REPS1: variants seen among roughly 807,000 people sequenced by gnomAD.
REPS1 encodes the protein RALBP1 associated Eps domain containing 1, also known as ralBP1-associated Eps domain-containing protein 1.
Under a neutral mutation model 100.9 loss-of-function variants are expected in REPS1, and 39 were observed. The observed-to-expected ratio is 0.39, with a 90% CI of 0.30 to 0.50. The LOEUF (loss-of-function observed/expected upper bound fraction) is 0.50, where lower values mean the gene tolerates loss of function less well. REPS1 is among the 20% of genes least tolerant of loss of function. The probability of loss-of-function intolerance (pLI) is 0.86; values close to 1 mark genes in which losing one functional copy is unlikely to be tolerated. For missense variants in REPS1, 821 were observed against 968.5 expected, an observed-to-expected ratio of 0.85 and a Z score of 2.02; for synonymous variants, 324 against 340.3, an observed-to-expected ratio of 0.95 and a Z score of 0.53.
chr6:138,920,244 G>A lies in REPS1; in HGVS notation c.1499C>T (p.Ser500Leu), dbSNP rs201518102. 2.3e-5 allele frequency: 36 copies of A among 1,595,404 alleles called. No homozygotes were observed. Among genetic ancestry groups the A allele is most frequent in the South Asian group, 6.6e-5 (6 of 90,670 alleles). ...DLLEENKINSSVKFASGNTVA... is the reference protein window; with the variant it reads ...DLLEENKINSLVKFASGNTVA... Reference sequence around the variant, plus strand: ...AGTATTACCAGAAGCGAATTTCACCGATGAATTTATCTTATTTTCTTCTAA... The same window carrying A: ...AGTATTACCAGAAGCGAATTTCACCAATGAATTTATCTTATTTTCTTCTAA... Residue 500 changes from serine (S) to leucine (L), a missense_variant, in exon 12 of 20, where the codon TCG (serine) becomes TTG (leucine). Transcript: ENST00000450536.
intron 13 of REPS1, chr6:138,916,210 CTTTT>C (rs1229366582): frequency 1.2e-4 from 26 of 223,766 alleles, no homozygotes; most frequent in Admixed American, 1.4e-4. Context: ...AGCAAAATTT[CTTTT>C]TTTCTTTTTT....
intron 1 of REPS1, among the ~76,000 whole-genome samples, chr6:138,966,185 A>G (rs983109152): frequency 6.6e-6 from 1 of 152,136 alleles, no homozygotes; most frequent in Non-Finnish European, 1.5e-5. Flanking sequence ...TCCTAAGTGC[A>G]CAGAATACAG....
chr6:138,932,290 C>T (rs1452107202), intron 8 of REPS1, among the ~76,000 whole-genome samples: 1 of 107,456 alleles, frequency 9.3e-6, no homozygotes, highest in Non-Finnish European at 2.2e-5. Context: ...AGACCTCAAA[C>T]TGTGGACCAC....
chr6:138,948,855 T>A (rs1165463162), intron 1 of REPS1, among the ~76,000 whole-genome samples: 1 of 152,198 alleles, frequency 6.6e-6, no homozygotes, highest in East Asian at 1.9e-4. Context: ...AAGGACCTAT[T>A]AATGATTAAG....
At position 138,945,643 on chromosome 6, in the gene REPS1, C is replaced by A. The variant is rs769964858; in HGVS notation, c.332G>T (p.Arg111Leu). The A allele has an allele frequency of 1.2e-6, 2 of 1,612,562 alleles. No homozygotes were observed. Among genetic ancestry groups the A allele is most frequent in the Non-Finnish European group, 1.7e-6 (2 of 1,179,412 alleles). Residue 111 changes from arginine (R) to leucine (L), a missense_variant, in exon 3 of 20, where the codon CGC (arginine) becomes CTC (leucine). Transcript: ENST00000450536. The stretch of plus-strand genomic sequence containing the variant: ...ATCTGAAGAATATGAGGCTGCATGG[C>A]GAGATTCCTGTTCATTCTTTGAAGC... ...FVASKNEQES[R>L]HAASYSSDSE... is the part of the protein sequence containing the mutation.
intron 8 of REPS1, 32 bp downstream of exon 8, chr6:138,941,303 T>A: frequency 1.9e-6 from 3 of 1,609,292 alleles, no homozygotes; most frequent in Non-Finnish European, 2.5e-6. Flanking sequence ...TATCAAGGCA[T>A]GCAAACAGCT....
chr6:138,954,332 C>T (rs574666582), intron 1 of REPS1, among the ~76,000 whole-genome samples: 1 of 151,918 alleles, frequency 6.6e-6, no homozygotes, highest in South Asian at 2.1e-4. Context: ...GCTCCTAACA[C>T]AAAGAAATGA....
chr6:138,952,693 C>T (rs936160474), intron 1 of REPS1, among the ~76,000 whole-genome samples: 1 of 152,060 alleles, frequency 6.6e-6, no homozygotes, highest in Non-Finnish European at 1.5e-5. Context: ...AGCCACCACA[C>T]CCAGCCTACA....
chr6:138,930,876 T>TTA (rs1781444030), intron 8 of REPS1, among the ~76,000 whole-genome samples: 1 of 152,224 alleles, frequency 6.6e-6, no homozygotes, highest in Non-Finnish European at 1.5e-5. Flanking sequence ...TACAAATCCA[T>TTA]TATACTATTT....
chr6:138,903,972 T>C lies in REPS1; in HGVS notation c.*1092A>G, dbSNP rs1779494006. Reference sequence around the variant, plus strand: ...TCAGAAATGAAAATACAAAATCTTCTATTTCTTAAAACTTTAAATCTTGTT... The same window carrying C: ...TCAGAAATGAAAATACAAAATCTTCCATTTCTTAAAACTTTAAATCTTGTT... On this transcript the variant is annotated 3_prime_UTR_variant, in exon 20 of 20. Coordinates refer to ENST00000450536, the MANE Select transcript of REPS1 (RefSeq NM_001286611.2). 6.6e-6 allele frequency: 1 copy of C among 152,226 alleles called. No individual in the cohort carries two copies. The highest frequency in any genetic ancestry group is 2.1e-4 in the South Asian group (1 of 4,834). The allele number at this position is 152,226 out of a possible 1,614,324, so 9.4% of individuals were successfully genotyped here. A position where few individuals can be genotyped will look rare whatever the true frequency, so the allele number is the denominator to read the frequency against.
At chr6:138,970,609 CTA>C (rs1784291128) in intron 1 of REPS1, among the ~76,000 whole-genome samples, 1 of 152,098 alleles carries the variant, frequency 6.6e-6, no homozygotes, top group African/African-American at 2.4e-5. Context: ...TGGCGAAACC[CTA>C]TCTCTAATAA....
chr6:138,936,741 A>T (rs1235315491), intron 8 of REPS1, among the ~76,000 whole-genome samples: 5 of 152,150 alleles, frequency 3.3e-5, no homozygotes, highest in Non-Finnish European at 7.3e-5. Context: ...AATTTTCAAA[A>T]ACAAAGATTC....
intron 19 of REPS1, among the ~76,000 whole-genome samples, chr6:138,905,759 A>G (rs1779606241): frequency 6.6e-6 from 1 of 152,220 alleles, no homozygotes; most frequent in Non-Finnish European, 1.5e-5. Context: ...CCCCTGGTAG[A>G]TGAATTTGTT....
At position 138,945,531 on chromosome 6, in the gene REPS1, C is replaced by T. The variant is rs116376647; in HGVS notation, c.444G>A (p.Thr148=). 6.5e-4 allele frequency: 1,046 copies of T among 1,609,406 alleles called. 5 individuals carry two copies. In the African/African-American group the frequency reaches 0.012, roughly 19 times the overall value. The change falls in exon 3 of 20, where the codon ACG becomes ACA. Residue 148 remains threonine, a synonymous_variant. Coordinates refer to ENST00000450536, the MANE Select transcript of REPS1 (RefSeq NM_001286611.2). ...QVKKGSVSHD[T]VQPRTSADAQ... is the part of the protein sequence containing the mutation. ...CATCTGCAGATGTACGAGGCTGAAC[C>T]GTATCATGGCTTACGGATCCCTTTT...
At chr6:138,911,174 A>G (rs1779979102) in intron 17 of REPS1, 102 bp downstream of exon 17, 1 of 754,646 alleles carries the variant, frequency 1.3e-6, no homozygotes, top group South Asian at 1.6e-5. Flanking sequence ...AGTTAAAGGC[A>G]GAGAAATGGG....
chr6:138,918,285 A>G (rs1036551703), intron 12 of REPS1, among the ~76,000 whole-genome samples: 1 of 152,182 alleles, frequency 6.6e-6, no homozygotes, highest in African/African-American at 2.4e-5. Context: ...ATTAAGTATT[A>G]TAAGAAATCT....
chr6:138,947,658 T>C, intron 2 of REPS1, 132 bp downstream of exon 2: 2 of 734,856 alleles, frequency 2.7e-6, no homozygotes, highest in Non-Finnish European at 4.2e-6. Context: ...GTAGTGGGAA[T>C]AAAGTCACGA....
intron 1 of REPS1, among the ~76,000 whole-genome samples, chr6:138,953,993 C>A (rs12055514): frequency 1.3e-5 from 2 of 151,990 alleles, no homozygotes; most frequent in Admixed American, 6.6e-5. Context: ...ATAATATATA[C>A]CATGGAATAC....
At chr6:138,980,948 G>C (rs961572016) in intron 1 of REPS1, among the ~76,000 whole-genome samples, 1 of 152,210 alleles carries the variant, frequency 6.6e-6, no homozygotes, top group African/African-American at 2.4e-5. Flanking sequence ...CAGCCACAAA[G>C]AAGTCTTTGT....
Sources: allele counts gnomAD v4.1 joint callset (sites outside exome capture counted in the v4.1 genomes callset), GRCh38; gene constraint gnomAD v4.1.1; transcripts MANE v1.5; gene names NCBI Gene and HGNC (gene_info 2026-07-23, HGNC 2026-07-21).